TST: variants seen among roughly 807,000 people sequenced by gnomAD.
TST encodes the protein epididymis secretory sperm binding protein.
Under a neutral mutation model 20.4 loss-of-function variants are expected in TST, and 22 were observed. The observed-to-expected ratio is 1.08, with a 90% CI of 0.77 to 1.54. The LOEUF (loss-of-function observed/expected upper bound fraction) is 1.54. Among genes scored for constraint, TST ranks in the 40% most tolerant of loss-of-function variants. The pLI is 0.00. For missense variants in TST, 392 were observed against 405.2 expected, an observed-to-expected ratio of 0.97 and a Z score of 0.28; for synonymous variants, 187 against 173.8, an observed-to-expected ratio of 1.08 and a Z score of -0.60.
chr22:37,019,829 CG>C, upstream of TST: 1 of 1,203,818 alleles, frequency 8.3e-7, no homozygotes, highest in Non-Finnish European at 1.0e-6. Flanking sequence ...CGCCGCGCCG[CG>C]GGGGCCATGG....
chr22:37,013,579 G>A (rs1412837442), intron 2 of TST, among the ~76,000 whole-genome samples: 1 of 152,148 alleles, frequency 6.6e-6, no homozygotes, highest in Non-Finnish European at 1.5e-5. Flanking sequence ...GGGTGATAGA[G>A]CAAGACTCTG....
At chr22:37,015,894 CGTT>C (rs1569162112) in intron 2 of TST, among the ~76,000 whole-genome samples, 17 of 148,146 alleles carry the variant, frequency 1.1e-4, no homozygotes, top group East Asian at 8.0e-4. Flanking sequence ...GGATTTGTAT[CGTT>C]CCTTACCCTT....
At chr22:37,013,320 A>G (rs1922550464) in intron 2 of TST, 1 of 152,156 alleles carries the variant, frequency 6.6e-6, no homozygotes, top group African/African-American at 2.4e-5. Flanking sequence ...ATAGCCTGAA[A>G]ATAAAGTAGA....
intron 2 of TST, among the ~76,000 whole-genome samples, chr22:37,017,322 A>C (rs1427717730): frequency 6.6e-6 from 1 of 152,034 alleles, no homozygotes; most frequent in Admixed American, 6.5e-5. Context: ...CAGGAGGGGA[A>C]CTTCTGAGTC....
chr22:37,020,101 C>G (rs1922956457), upstream of TST: 1 of 389,378 alleles, frequency 2.6e-6, no homozygotes. Flanking sequence ...AGTGGGTGAC[C>G]TGGTGGCACC....
At chr22:37,015,454 C>G (rs1045783836) in intron 2 of TST, among the ~76,000 whole-genome samples, 7 of 152,222 alleles carry the variant, frequency 4.6e-5, no homozygotes, top group African/African-American at 1.7e-4. Context: ...TCACGAACAA[C>G]AGTTAGCGGT....
chr22:37,015,052 T>C (rs1279138838), intron 2 of TST, among the ~76,000 whole-genome samples: 1 of 152,152 alleles, frequency 6.6e-6, no homozygotes. Flanking sequence ...CCTCAGCCCC[T>C]GGGCTTGCTT....
In TST at chr22:37,018,370, G is replaced by A. The variant is rs140749285; in HGVS notation, c.363C>T (p.His121=). The A allele has an allele frequency of 9.9e-6, 16 of 1,613,876 alleles. No individual in the cohort carries two copies. The Admixed American group carries it at 2.3e-4, about 24-fold the overall frequency. The change falls in exon 2 of 3, where the codon CAC becomes CAT. Residue 121 remains histidine (H), a synonymous_variant. Transcript: ENST00000249042. ...CACCATTGAGCACTGATACGGTGCG[G>A]TGGCCAAACACACGGAACATCCACC... is the stretch of plus-strand genomic sequence containing the variant. ...RVWWMFRVFG[H]RTVSVLNGGF...
chr22:37,019,829 C>T (rs1225627556), upstream of TST: 2 of 1,203,844 alleles, frequency 1.7e-6, no homozygotes, highest in Middle Eastern at 3.0e-4. Context: ...CGCCGCGCCG[C>T]GGGGGCCATG....
Position 37,011,273 on chromosome 22 carries a change from G to A in TST, c.648C>T (p.Phe216=), listed in dbSNP as rs747732906. 2 of 1,613,886 alleles carry A rather than the reference G, an allele frequency of 1.2e-6. No homozygotes were observed. Among genetic ancestry groups the A allele is most frequent in the Non-Finnish European group, 1.7e-6 (2 of 1,179,986 alleles). Residue 216 remains phenylalanine, a synonymous_variant, in exon 3 of 3, where the codon TTC becomes TTT. Coordinates refer to ENST00000249042, the MANE Select transcript of TST (RefSeq NM_003312.6). The part of the protein sequence containing the change: ...RGAVNMPFMD[F]LTEDGFEKGP... ...CCTTCTCGAAGCCATCCTCAGTCAG[G>A]AAGTCCATGAAAGGCATGTTGACGG...
chr22:37,015,447 C>T (rs963579959), intron 2 of TST, among the ~76,000 whole-genome samples: 3 of 152,220 alleles, frequency 2.0e-5, no homozygotes, highest in Non-Finnish European at 4.4e-5. Context: ...GCTCCTTTCA[C>T]GAACAACAGT....
Position 37,018,650 on chromosome 22 carries a change from C to A in TST, c.83G>T (p.Gly28Val), listed in dbSNP as rs562308850. Reference sequence around the variant, plus strand: ...CCAGGACGCGTCCAGCACCCGCAGGCCGGGCCCCAGCTTGCCAGTCCTGAT... The same window carrying A: ...CCAGGACGCGTCCAGCACCCGCAGGACGGGCCCCAGCTTGCCAGTCCTGAT... ...ESIRTGKLGPGLRVLDASWYS... is the reference protein window; with the variant it reads ...ESIRTGKLGPVLRVLDASWYS... Residue 28 changes from glycine to valine, a missense_variant, in exon 2 of 3, where the codon GGC (glycine) becomes GTC (valine). Physicochemically the swap from Gly to Val is moderately radical, Grantham distance 109. Transcript: ENST00000249042. The A allele has an allele frequency of 3.5e-5, 54 of 1,563,048 alleles. No homozygotes were observed. In the Admixed American group the frequency reaches 7.6e-4, roughly 22 times the overall value.
chr22:37,020,014 A>G, upstream of TST: 1 of 422,398 alleles, frequency 2.4e-6, no homozygotes, highest in Admixed American at 4.5e-5. Flanking sequence ...CTACGTTGGC[A>G]CTAAGGGTGA....
intron 2 of TST, among the ~76,000 whole-genome samples, chr22:37,015,357 A>G (rs1419107307): frequency 6.6e-6 from 1 of 152,214 alleles, no homozygotes; most frequent in Non-Finnish European, 1.5e-5. Flanking sequence ...AAAGAAAATT[A>G]AGTCGATAAA....
rs1486054694 is a variant in TST at position 37,018,610 on chromosome 22, G to A, written c.123C>T (p.Thr41=). 2 of 1,568,344 alleles carry A rather than the reference G, an allele frequency of 1.3e-6. No homozygotes were observed. Among genetic ancestry groups the A allele is most frequent in the Admixed American group, 3.8e-5 (2 of 52,750 alleles). Residue 41 remains threonine (T), a synonymous_variant, in exon 2 of 3, where the codon ACC becomes ACT. Transcript: ENST00000249042. The part of the protein sequence containing the change: ...VLDASWYSPG[T]REARKEYLER... ...CGAGGTACTCCTTGCGGGCCTCTCG[G>A]GTGCCTGGTGAGTACCAGGACGCGT...
intron 2 of TST, among the ~76,000 whole-genome samples, chr22:37,013,627 T>A (rs1235726337): frequency 6.6e-6 from 1 of 152,082 alleles, no homozygotes; most frequent in African/African-American, 2.4e-5. Context: ...AAAAAGGAAG[T>A]TTGATTGCAT....
chr22:37,016,872 C>G (rs1407150751), intron 2 of TST, among the ~76,000 whole-genome samples: 2 of 152,242 alleles, frequency 1.3e-5, no homozygotes, highest in Non-Finnish European at 2.9e-5. Context: ...AGCTATGCGG[C>G]CTTGGCCCCT....
chr22:37,013,715 G>C (rs992229809), intron 2 of TST, among the ~76,000 whole-genome samples: 3 of 152,164 alleles, frequency 2.0e-5, no homozygotes, highest in African/African-American at 7.2e-5. Flanking sequence ...TAAGATGTGT[G>C]CCCACCCTAC....
Position 37,018,547 on chromosome 22 carries a change from T to C in TST, c.186A>G (p.Glu62=), listed in dbSNP as rs768916105. Residue 62 remains glutamate, a synonymous_variant, in exon 2 of 3, where the codon GAA becomes GAG. Coordinates refer to ENST00000249042, the MANE Select transcript of TST (RefSeq NM_003312.6). Reference sequence around the variant, plus strand: ...AGGGCGACGCCGTGTCCCGGCACTCTTCTATGTCAAAGAAAGAGGCGCCGG... The same window carrying C: ...AGGGCGACGCCGTGTCCCGGCACTCCTCTATGTCAAAGAAAGAGGCGCCGG... ...HVPGASFFDI[E]ECRDTASPYE... 1.3e-6 allele frequency: 2 copies of C among 1,576,326 alleles called. No homozygotes were observed. The highest frequency in any genetic ancestry group is 2.7e-5 in the African/African-American group (2 of 73,930).
Sources: allele counts gnomAD v4.1 joint callset (sites outside exome capture counted in the v4.1 genomes callset), GRCh38; gene constraint gnomAD v4.1.1; transcripts MANE v1.5; gene names NCBI Gene and HGNC (gene_info 2026-07-23, HGNC 2026-07-21).